Variants in PSD3 observed in about 807,000 individuals in gnomAD.
PSD3 encodes pleckstrin and Sec7 domain containing 3.
PSD3 carries 49 observed loss-of-function variants against 105.5 expected under a neutral mutation model. The observed-to-expected ratio is 0.46, with a 90% CI of 0.37 to 0.59. PSD3 has a LOEUF of 0.59. PSD3 is among the 20% of genes least tolerant of loss of function. The probability of loss-of-function intolerance (pLI) is 0.00; values close to 1 mark genes in which losing one functional copy is unlikely to be tolerated. For synonymous variants in PSD3, 557 were observed against 457.8 expected, an observed-to-expected ratio of 1.22 and a Z score of -2.77; for missense variants, 1,561 against 1,263.8, an observed-to-expected ratio of 1.24 and a Z score of -3.57.
intron 4 of PSD3, among the ~76,000 whole-genome samples, chr8:18,838,432 G>A (rs747774689): frequency 2.0e-4 from 31 of 152,242 alleles, no homozygotes; most frequent in Non-Finnish European, 3.7e-4. Context: ...TTCAGTAAAT[G>A]TATCCTGTCC....
intron 1 of PSD3, among the ~76,000 whole-genome samples, chr8:18,943,405 C>G (rs1213402930): frequency 1.3e-5 from 2 of 152,144 alleles, no homozygotes; most frequent in Non-Finnish European, 2.9e-5. Flanking sequence ...TAAAGAGATT[C>G]TTCTTATAAA....
intron 9 of PSD3, chr8:18,684,161 G>T: frequency 2.4e-6 from 1 of 408,764 alleles, no homozygotes; most frequent in Admixed American, 3.9e-5. Flanking sequence ...TGGCTGCAAA[G>T]AGGAAAAAAA....
chr8:18,960,337 A>C (rs571453128), intron 1 of PSD3, among the ~76,000 whole-genome samples: 112 of 152,346 alleles, frequency 7.4e-4, no homozygotes, highest in African/African-American at 2.6e-3. Flanking sequence ...AAGATGAGTA[A>C]TCGATGGCAT....
At chr8:18,801,038 T>C (rs1304172735) in intron 7 of PSD3, 3 of 335,416 alleles carry the variant, frequency 8.9e-6, no homozygotes, top group East Asian at 5.6e-5. Flanking sequence ...TTAAAGAATA[T>C]TTAATGACAT....
chr8:18,966,742 C>T (rs73204530), intron 1 of PSD3, among the ~76,000 whole-genome samples: 1 of 151,914 alleles, frequency 6.6e-6, no homozygotes, highest in African/African-American at 2.4e-5. Context: ...TCCGGACCAA[C>T]GGGCACATCT....
intron 1 of PSD3, among the ~76,000 whole-genome samples, chr8:19,040,538 T>G (rs1292823916): frequency 1.3e-5 from 2 of 152,214 alleles, no homozygotes; most frequent in African/African-American, 4.8e-5. Flanking sequence ...TGAGATACCT[T>G]AGAGGATTTT....
chr8:18,637,126 T>C (rs1476882085), intron 10 of PSD3, among the ~76,000 whole-genome samples: 2 of 152,202 alleles, frequency 1.3e-5, no homozygotes, highest in Admixed American at 6.5e-5. Flanking sequence ...AGTTCCAAAA[T>C]TGCTAGCCTA....
intron 12 of PSD3, among the ~76,000 whole-genome samples, chr8:18,596,641 G>C (rs1804120750): frequency 6.6e-6 from 1 of 151,864 alleles, no homozygotes; most frequent in Non-Finnish European, 1.5e-5. Flanking sequence ...TGAAACAGGA[G>C]GTATTGCAAT....
intron 1 of PSD3, among the ~76,000 whole-genome samples, chr8:19,063,567 G>A (rs1828973208): frequency 1.3e-5 from 2 of 152,132 alleles, no homozygotes; most frequent in Non-Finnish European, 2.9e-5. Flanking sequence ...TCCCTGTTGG[G>A]CAGATGAATG....
intron 4 of PSD3, among the ~76,000 whole-genome samples, chr8:18,867,013 G>A (rs535599225): frequency 5.3e-5 from 8 of 151,982 alleles, no homozygotes; most frequent in South Asian, 4.2e-4. Context: ...AAATAGTCGC[G>A]GAATCCCCAA....
In PSD3 at chr8:18,535,647, G is replaced by T; in HGVS notation, c.*96C>A. 1 of 955,940 alleles carries T rather than the reference G, an allele frequency of 1.0e-6. No homozygotes were observed. The highest frequency in any genetic ancestry group is 1.5e-6 in the Non-Finnish European group (1 of 646,504). The allele number at this position is 955,940 out of a possible 1,614,324, so 59.2% of individuals were successfully genotyped here. A position where few individuals can be genotyped will look rare whatever the true frequency, so the allele number is the denominator to read the frequency against. On this transcript the variant is annotated 3_prime_UTR_variant, in exon 16 of 16. Coordinates refer to ENST00000327040, the MANE Select transcript of PSD3 (RefSeq NM_015310.4). ...ATTACTAATGCACCGTTTTGTCACA[G>T]ACTTTTTTTTTTTAAATATATTCAC...
At chr8:18,584,823 T>C (rs1803055565) in intron 12 of PSD3, among the ~76,000 whole-genome samples, 1 of 152,208 alleles carries the variant, frequency 6.6e-6, no homozygotes, top group East Asian at 1.9e-4. Context: ...ATTTGTTTCA[T>C]GTTTTTGCTA....
At chr8:18,817,255 T>A (rs1291031686) in intron 4 of PSD3, among the ~76,000 whole-genome samples, 1 of 152,224 alleles carries the variant, frequency 6.6e-6, no homozygotes, top group African/African-American at 2.4e-5. Flanking sequence ...TAGTATCATA[T>A]ATGTACTTTA....
chr8:18,688,101 T>G (rs759824274), intron 9 of PSD3, among the ~76,000 whole-genome samples: 5 of 151,996 alleles, frequency 3.3e-5, no homozygotes, highest in Admixed American at 6.6e-5. Flanking sequence ...ATTTTAGAGA[T>G]AGGGTCCTGT....
chr8:18,613,353 G>C (rs13260113), intron 11 of PSD3, among the ~76,000 whole-genome samples: 11 of 152,184 alleles, frequency 7.2e-5, no homozygotes, highest in South Asian at 2.1e-4. Flanking sequence ...GGGGGGAGGA[G>C]CCTGGTCTCT....
chr8:18,968,184 A>T (rs1824405540), intron 1 of PSD3, among the ~76,000 whole-genome samples: 1 of 152,176 alleles, frequency 6.6e-6, no homozygotes, highest in African/African-American at 2.4e-5. Context: ...CAGGGCAGCC[A>T]CTGGCTTCAA....
intron 9 of PSD3, among the ~76,000 whole-genome samples, chr8:18,726,757 C>T (rs1017361100): frequency 1.3e-5 from 2 of 152,246 alleles, no homozygotes; most frequent in East Asian, 3.8e-4. Flanking sequence ...AAAATACCTT[C>T]ATTCCAACTA....
At chr8:18,920,751 G>A (rs1267549600) in intron 2 of PSD3, among the ~76,000 whole-genome samples, 3 of 152,128 alleles carry the variant, frequency 2.0e-5, no homozygotes, top group Non-Finnish European at 2.9e-5. Context: ...TACTATCCCA[G>A]GGACTAAAAC....
At chr8:18,722,944 G>A (rs1291499013) in intron 9 of PSD3, among the ~76,000 whole-genome samples, 2 of 152,158 alleles carry the variant, frequency 1.3e-5, no homozygotes, top group East Asian at 3.8e-4. Context: ...CTTGCTAGCT[G>A]TTTTACATGT....
Sources: allele counts gnomAD v4.1 joint callset (sites outside exome capture counted in the v4.1 genomes callset), GRCh38; gene constraint gnomAD v4.1.1; transcripts MANE v1.5; gene names NCBI Gene and HGNC (gene_info 2026-07-23, HGNC 2026-07-21).